The following RAPGEF6 variants were observed in gnomAD, a reference collection of about 807,000 sequenced individuals.
RAPGEF6 encodes the protein PDZ domain containing guanine nucleotide exchange factor (GEF) 2.
In RAPGEF6, 56 loss-of-function variants were observed where a neutral mutation model predicts 171.4. The observed-to-expected ratio is 0.33, with a 90% CI of 0.26 to 0.41. The LOEUF is 0.41. Among genes scored for constraint, RAPGEF6 ranks in the 10% least tolerant of loss-of-function variants. RAPGEF6 has a pLI of 1.00. For missense variants in RAPGEF6, 1,674 were observed against 1,921.4 expected (o/e 0.87, Z 2.41); for synonymous variants, 692 against 650.1 (o/e 1.06, Z -0.98).
intron 18 of RAPGEF6, 122 bp from the exon 19 acceptor site, chr5:131,462,210 T>C: frequency 1.2e-6 from 1 of 846,072 alleles, no homozygotes; most frequent in Non-Finnish European, 1.6e-6. Context: ...AAAATATTAA[T>C]TTACAGATAA....
chr5:131,452,942 A>G, intron 21 of RAPGEF6, 112 bp downstream of exon 21: 2 of 1,351,084 alleles, frequency 1.5e-6, no homozygotes, highest in Non-Finnish European at 2.0e-6. Context: ...CATATAAAGC[A>G]CTTTGTACAG....
intron 4 of RAPGEF6, among the ~76,000 whole-genome samples, chr5:131,577,455 T>C (rs1054276319): frequency 6.6e-6 from 1 of 152,210 alleles, no homozygotes; most frequent in African/African-American, 2.4e-5. Flanking sequence ...TACCTTCTTG[T>C]TGGGCCTCAA....
At chr5:131,615,487 ACAGAGT>A (rs1765207844) in intron 1 of RAPGEF6, among the ~76,000 whole-genome samples, 1 of 152,222 alleles carries the variant, frequency 6.6e-6, no homozygotes, top group African/African-American at 2.4e-5. Flanking sequence ...AAGAACCCTG[ACAGAGT>A]CAGACTGGAA....
In RAPGEF6 at chr5:131,472,737, C is replaced by T; in HGVS notation, c.2089G>A (p.Gly697Ser). ...CTGTCATCTTGTGATTGGCTTAGGC[C>T]TCCATCACTTCAAAAGAATGTCATA... ...ILPPKLFSDG[G>S]LSQSQDDSIV... The change falls in exon 17 of 28, where the codon GGC becomes AGC. Residue 697 changes from glycine (G) to serine (S), a missense_variant. Gly to Ser is a moderately conservative substitution (Grantham distance 56, BLOSUM62 0). Transcript: ENST00000509018. 3.1e-6 allele frequency: 5 copies of T among 1,608,670 alleles called. No individual in the cohort carries two copies. Among genetic ancestry groups the T allele is most frequent in the Non-Finnish European group, 4.3e-6 (5 of 1,175,114 alleles).
At chr5:131,545,540 T>A (rs1760466857) in intron 6 of RAPGEF6, among the ~76,000 whole-genome samples, 1 of 152,192 alleles carries the variant, frequency 6.6e-6, no homozygotes, top group Admixed American at 6.5e-5. Flanking sequence ...ATTAAACCAA[T>A]TCTCTACTTG....
intron 21 of RAPGEF6, chr5:131,447,181 C>T (rs1220351215): frequency 6.5e-6 from 1 of 154,722 alleles, no homozygotes; most frequent in Non-Finnish European, 1.4e-5. Context: ...ATAGCAGGCC[C>T]ACTGTGAGCA....
chr5:131,513,100 T>A lies in RAPGEF6; in HGVS notation c.628-2609A>T, dbSNP rs550156927. The stretch of plus-strand genomic sequence containing the variant: ...TTTACTGGCTATGAAATTACAGGGT[T>A]TAAACGGAGTATATTTCTGAATAAT... On this transcript the variant is annotated intron_variant, in intron 7 of 27. Coordinates refer to ENST00000509018, the MANE Select transcript of RAPGEF6 (RefSeq NM_016340.6). Among the ~76,000 whole-genome samples, 23 of 152,316 alleles carry A rather than the reference T, an allele frequency of 1.5e-4. No homozygotes were observed. In the South Asian group the frequency reaches 3.9e-3, roughly 26 times the overall value.
At chr5:131,612,503 C>G (rs1009771968) in intron 1 of RAPGEF6, among the ~76,000 whole-genome samples, 3 of 151,908 alleles carry the variant, frequency 2.0e-5, no homozygotes, top group Admixed American at 6.6e-5. Context: ...ATGATATAAC[C>G]CCATTGTAAG....
chr5:131,433,856 C>T (rs1046462873), intron 24 of RAPGEF6, among the ~76,000 whole-genome samples, 198 bp from the exon 25 acceptor site: 1 of 152,100 alleles, frequency 6.6e-6, no homozygotes, highest in African/African-American at 2.4e-5. Context: ...GCCTACTATC[C>T]ACACCACACC....
intron 6 of RAPGEF6, among the ~76,000 whole-genome samples, chr5:131,521,977 T>A (rs1472307663): frequency 6.6e-6 from 1 of 151,724 alleles, no homozygotes; most frequent in Non-Finnish European, 1.5e-5. Flanking sequence ...AAAACAGCAA[T>A]ATCTTGGAAT....
At chr5:131,444,569 T>C (rs1331383434) in intron 22 of RAPGEF6, among the ~76,000 whole-genome samples, 1 of 152,190 alleles carries the variant, frequency 6.6e-6, no homozygotes, top group African/African-American at 2.4e-5. Flanking sequence ...CAATTATGCA[T>C]TATAAAGATG....
chr5:131,429,171 G>A lies in RAPGEF6; in HGVS notation c.4511C>T (p.Pro1504Leu). 6.2e-7 allele frequency: 1 copy of A among 1,613,442 alleles called. No homozygotes were observed. Among genetic ancestry groups the A allele is most frequent in the Non-Finnish European group, 8.5e-7 (1 of 1,179,496 alleles). ...SPKKDDRYREPPPTPPGYLGI... is the reference protein window; with the variant it reads ...SPKKDDRYRELPPTPPGYLGI... ...CAAATATCCTGGAGGAGTGGGAGGT[G>A]GCTCCCTATACCTATCGTCCTTCTT... is the stretch of plus-strand genomic sequence containing the variant. The change falls in exon 27 of 28, where the codon CCA becomes CTA. Residue 1504 changes from proline (P) to leucine (L), a missense_variant. By Grantham distance (98) the Pro-to-Leu change is moderately conservative. Coordinates refer to ENST00000509018, the MANE Select transcript of RAPGEF6 (RefSeq NM_016340.6).
intron 1 of RAPGEF6, among the ~76,000 whole-genome samples, chr5:131,608,841 G>A (rs925715500): frequency 2.0e-5 from 3 of 151,776 alleles, no homozygotes; most frequent in Non-Finnish European, 2.9e-5. Flanking sequence ...CATCAGCATG[G>A]CTCACTGCAG....
intron 7 of RAPGEF6, among the ~76,000 whole-genome samples, chr5:131,517,254 C>A (rs1469238267): frequency 1.3e-5 from 2 of 151,974 alleles, no homozygotes; most frequent in African/African-American, 4.8e-5. Flanking sequence ...CATGTACCCC[C>A]CTGCATCTAA....
intron 24 of RAPGEF6, 117 bp from the exon 25 acceptor site, chr5:131,433,775 C>G (rs767838181): frequency 1.5e-4 from 116 of 775,248 alleles, no homozygotes; most frequent in Middle Eastern, 5.9e-4. Context: ...AAAGTAGAAG[C>G]AATTTTAGTT....
chr5:131,486,643 T>C (rs1217097704), intron 15 of RAPGEF6, among the ~76,000 whole-genome samples: 1 of 152,124 alleles, frequency 6.6e-6, no homozygotes, highest in Non-Finnish European at 1.5e-5. Flanking sequence ...TTCAAACAAA[T>C]GTTTTTGTCT....
intron 4 of RAPGEF6, among the ~76,000 whole-genome samples, chr5:131,578,061 T>C (rs1007488180): frequency 6.6e-6 from 1 of 152,212 alleles, no homozygotes; most frequent in Admixed American, 6.5e-5. Flanking sequence ...ACACTTTTCC[T>C]CCGAACCATC....
intron 1 of RAPGEF6, among the ~76,000 whole-genome samples, chr5:131,618,426 T>C (rs893918203): frequency 6.6e-6 from 1 of 151,348 alleles, no homozygotes; most frequent in African/African-American, 2.4e-5. Context: ...AGGTCAGGAG[T>C]TCCAGACCAG....
At chr5:131,522,390 T>C (rs1254430718) in intron 6 of RAPGEF6, among the ~76,000 whole-genome samples, 1 of 152,218 alleles carries the variant, frequency 6.6e-6, no homozygotes, top group Admixed American at 6.5e-5. Context: ...TGCAACTTGC[T>C]ATTCAGGGCT....
Sources: allele counts gnomAD v4.1 joint callset (sites outside exome capture counted in the v4.1 genomes callset), GRCh38; gene constraint gnomAD v4.1.1; transcripts MANE v1.5; gene names NCBI Gene and HGNC (gene_info 2026-07-23, HGNC 2026-07-21).